Variants in FSHR observed in about 807,000 individuals in gnomAD.
The protein encoded by FSHR is follicle stimulating hormone receptor, also known as follicle-stimulating hormone receptor.
A neutral mutation model predicts 52.1 loss-of-function variants in FSHR; 46 were observed. The observed-to-expected ratio is 0.88, with a 90% confidence interval of 0.70 to 1.13. FSHR has a LOEUF of 1.13. FSHR is among the 50% of genes most tolerant of loss of function. FSHR has a pLI of 0.00. For missense variants in FSHR, 964 were observed against 834.6 expected, an observed-to-expected ratio of 1.16 and a Z score of -1.91; for synonymous variants, 399 against 309.6, an observed-to-expected ratio of 1.29 and a Z score of -3.03.
At chr2:49,134,770 A>G (rs1003808009) in intron 1 of FSHR, among the ~76,000 whole-genome samples, 1 of 152,242 alleles carries the variant, frequency 6.6e-6, no homozygotes. Flanking sequence ...TTGTATGGAC[A>G]TGGATGAAAT....
At chr2:48,987,130 C>T (rs1048360903) in intron 6 of FSHR, among the ~76,000 whole-genome samples, 3 of 152,026 alleles carry the variant, frequency 2.0e-5, no homozygotes, top group African/African-American at 7.2e-5. Flanking sequence ...TTTCACAATC[C>T]AGCAGGCCAA....
chr2:49,112,090 T>A (rs1049023561), intron 1 of FSHR, among the ~76,000 whole-genome samples: 1 of 152,162 alleles, frequency 6.6e-6, no homozygotes, highest in African/African-American at 2.4e-5. Flanking sequence ...TCTTATGGAA[T>A]ACGAAATTAA....
chr2:49,037,268 C>A (rs1398340401), intron 2 of FSHR, among the ~76,000 whole-genome samples: 1 of 152,196 alleles, frequency 6.6e-6, no homozygotes, highest in East Asian at 1.9e-4. Context: ...GGCACAGTGA[C>A]CTCAAGAAAC....
At chr2:49,019,186 A>T (rs1215035627) in intron 3 of FSHR, among the ~76,000 whole-genome samples, 1 of 152,224 alleles carries the variant, frequency 6.6e-6, no homozygotes, top group Non-Finnish European at 1.5e-5. Context: ...CTAAATGCAT[A>T]TTAGCATATT....
intron 1 of FSHR, among the ~76,000 whole-genome samples, chr2:49,130,285 C>T (rs756948545): frequency 5.3e-5 from 8 of 152,148 alleles, no homozygotes; most frequent in Non-Finnish European, 1.2e-4. Context: ...AGTTATTTGC[C>T]TGTATTGTTA....
chr2:48,971,126 G>A (rs749128862), intron 8 of FSHR, among the ~76,000 whole-genome samples: 1 of 152,150 alleles, frequency 6.6e-6, no homozygotes, highest in East Asian at 1.9e-4. Context: ...ACAAGTCACT[G>A]TATACAGTGT....
At chr2:48,992,319 T>C (rs1189362747) in intron 4 of FSHR, among the ~76,000 whole-genome samples, 2 of 152,224 alleles carry the variant, frequency 1.3e-5, no homozygotes, top group Admixed American at 1.3e-4. Flanking sequence ...CCTTGTGTTT[T>C]CCCTTTGTAG....
intron 1 of FSHR, among the ~76,000 whole-genome samples, chr2:49,106,599 A>G (rs1444893980): frequency 3.9e-5 from 6 of 152,190 alleles, no homozygotes; most frequent in Admixed American, 3.9e-4. Context: ...ATGTAAAGAG[A>G]CAGCTTATTA....
At chr2:49,124,962 A>T (rs1448013455) in intron 1 of FSHR, among the ~76,000 whole-genome samples, 7 of 152,098 alleles carry the variant, frequency 4.6e-5, no homozygotes, top group African/African-American at 1.7e-4. Flanking sequence ...CCACTCATCC[A>T]TTCCTGTCAC....
chr2:49,014,278 T>C (rs944653051), intron 4 of FSHR, among the ~76,000 whole-genome samples: 1 of 152,156 alleles, frequency 6.6e-6, no homozygotes, highest in Non-Finnish European at 1.5e-5. Context: ...TAAAATGCCC[T>C]GAGAACAATA....
At chr2:49,007,215 G>A (rs1322557438) in intron 4 of FSHR, among the ~76,000 whole-genome samples, 3 of 152,036 alleles carry the variant, frequency 2.0e-5, no homozygotes, top group East Asian at 1.9e-4. Context: ...AGCTAAGCAC[G>A]AAAAGTATAA....
intron 1 of FSHR, among the ~76,000 whole-genome samples, chr2:49,134,934 A>C (rs1191825914): frequency 1.3e-5 from 2 of 152,060 alleles, no homozygotes; most frequent in Non-Finnish European, 2.9e-5. Flanking sequence ...AGGATGGGGG[A>C]GGGATAGCAT....
At position 49,043,054 on chromosome 2, in the gene FSHR, A is replaced by G. The variant is rs79605133; in HGVS notation, c.225-22894T>C. Among the ~76,000 whole-genome samples the G allele has an allele frequency of 9.5e-3, 1,448 of 152,336 alleles. 24 individuals carry two copies. The highest frequency in any genetic ancestry group is 0.033 in the African/African-American group (1,370 of 41,572). ...GAGAAAACCAAGCTTGAGAATAGCC[A>G]TCATTCACTTGACTTCCTCTAGGGG... On this transcript the variant is annotated intron_variant, in intron 2 of 9. Transcript: ENST00000406846.
At chr2:48,989,118 T>G (rs1675651949) in intron 5 of FSHR, 64 bp from the exon 6 acceptor site, 3 of 1,284,000 alleles carry the variant, frequency 2.3e-6, no homozygotes, top group Non-Finnish European at 3.4e-6. Flanking sequence ...CTTCCAAAAT[T>G]TAGTTTAACT....
chr2:49,139,608 T>C (rs532517531), intron 1 of FSHR, among the ~76,000 whole-genome samples: 2 of 151,600 alleles, frequency 1.3e-5, no homozygotes, highest in East Asian at 3.9e-4. Flanking sequence ...ATTTTTTTTT[T>C]TTTTTTTGAG....
At chr2:49,106,439 G>T (rs890515544) in intron 1 of FSHR, among the ~76,000 whole-genome samples, 1 of 152,138 alleles carries the variant, frequency 6.6e-6, no homozygotes, top group Non-Finnish European at 1.5e-5. Context: ...ATAGGGAAAA[G>T]CTTAAATTCC....
intron 5 of FSHR, among the ~76,000 whole-genome samples, chr2:48,990,097 T>C (rs1675700126): frequency 6.6e-6 from 1 of 152,184 alleles, no homozygotes; most frequent in East Asian, 1.9e-4. Flanking sequence ...ATGCTACCTT[T>C]TCTCTTCCTT....
intron 8 of FSHR, among the ~76,000 whole-genome samples, chr2:48,978,357 C>T (rs1271538842): frequency 6.6e-6 from 1 of 152,154 alleles, no homozygotes; most frequent in Admixed American, 6.5e-5. Flanking sequence ...GCTAGAAGAC[C>T]TCTCTTTCAT....
intron 1 of FSHR, among the ~76,000 whole-genome samples, chr2:49,090,528 T>C (rs1288363890): frequency 6.6e-6 from 1 of 152,210 alleles, no homozygotes; most frequent in Non-Finnish European, 1.5e-5. Flanking sequence ...TTGAAGTACC[T>C]TTGGGTTGTT....
Sources: gnomAD v4.1 joint callset for allele counts (sites outside exome capture counted in the v4.1 genomes callset) on GRCh38, gnomAD v4.1.1 for gene constraint, MANE v1.5 for transcripts, NCBI Gene and HGNC (gene_info 2026-07-23, HGNC 2026-07-21) for gene names.